Variants in CPA6 observed in about 807,000 individuals in gnomAD.
The protein encoded by CPA6 is carboxypeptidase B.
A neutral mutation model predicts 63.3 loss-of-function variants in CPA6; 58 were observed. The ratio of observed to expected loss-of-function variants is 0.92; its 90% CI spans 0.74 to 1.14. The LOEUF is 1.14. CPA6 is among the 50% of genes most tolerant of loss of function. CPA6 has a pLI of 0.00. For missense variants in CPA6, 565 were observed against 526.6 expected (o/e 1.07, Z -0.71); for synonymous variants, 185 against 179.0 (o/e 1.03, Z -0.27).
At chr8:67,658,931 T>C (rs962262450) in intron 1 of CPA6, among the ~76,000 whole-genome samples, 6 of 152,192 alleles carry the variant, frequency 3.9e-5, no homozygotes, top group Admixed American at 2.0e-4. Flanking sequence ...AGCAGCTTCC[T>C]ACCTGGTCTC....
chr8:67,605,886 A>G (rs1814624013), intron 2 of CPA6, among the ~76,000 whole-genome samples: 1 of 152,126 alleles, frequency 6.6e-6, no homozygotes, highest in Non-Finnish European at 1.5e-5. Flanking sequence ...AGTCATGCAC[A>G]GCCAATGGAT....
At chr8:67,640,524 G>C (rs77969117) in intron 1 of CPA6, among the ~76,000 whole-genome samples, 3,173 of 151,108 alleles carry the variant, frequency 0.021, 127 homozygotes, top group South Asian at 0.041. Context: ...GACAGCAGGA[G>C]CAGGCCCCCA....
chr8:67,481,239 A>G lies in CPA6; in HGVS notation c.838+2529T>C, dbSNP rs1377218128. On this transcript the variant is annotated intron_variant, in intron 8 of 10. Transcript: ENST00000297770. The stretch of plus-strand genomic sequence containing the variant: ...AATTTGGAAAATCAGTGCTTACAGC[A>G]TATTTTAAAAAGAGTGCACAGAGGA... Among the ~76,000 whole-genome samples the G allele has an allele frequency of 9.8e-5, 15 of 152,370 alleles. No individual in the cohort carries two copies. In the East Asian group the frequency reaches 2.7e-3, roughly 27 times the overall value.
intron 1 of CPA6, among the ~76,000 whole-genome samples, chr8:67,712,054 C>T (rs1817275056): frequency 6.6e-6 from 1 of 152,152 alleles, no homozygotes; most frequent in Admixed American, 6.5e-5. Context: ...TGGCCTAAGT[C>T]TGCAGTGACC....
At position 67,518,026 on chromosome 8, in the gene CPA6, T is replaced by C. The variant is rs983046839; in HGVS notation, c.214A>G (p.Ser72Gly). The C allele has an allele frequency of 6.2e-7, 1 of 1,602,972 alleles. No homozygotes were observed. Among genetic ancestry groups the C allele is most frequent in the African/African-American group, 1.3e-5 (1 of 74,480 alleles). ...QLKVDLWQPS[S>G]ISYVSEGTVT... ...GTTCCCTCTGATACATAGGAGATAC[T>C]GCTGGGCTGCCACAGGTCCACCTGT... Residue 72 changes from serine to glycine, a missense_variant, in exon 3 of 11, where the codon AGT becomes GGT. By Grantham distance (56) the Ser-to-Gly change is moderately conservative. Transcript: ENST00000297770.
intron 1 of CPA6, among the ~76,000 whole-genome samples, chr8:67,693,808 C>T (rs542399749): frequency 5.9e-5 from 9 of 152,286 alleles, no homozygotes; most frequent in South Asian, 2.1e-4. Context: ...GCAGCCTGAA[C>T]GGACTCAGAT....
chr8:67,714,726 G>A (rs891074036), intron 1 of CPA6, among the ~76,000 whole-genome samples: 12 of 152,112 alleles, frequency 7.9e-5, no homozygotes, highest in Non-Finnish European at 1.6e-4. Flanking sequence ...TCTCTCAGTT[G>A]TTTTATTGGC....
chr8:67,697,371 CAGAT>C (rs1816930631), intron 1 of CPA6, among the ~76,000 whole-genome samples: 1 of 152,156 alleles, frequency 6.6e-6, no homozygotes, highest in Non-Finnish European at 1.5e-5. Flanking sequence ...AAAAAGAAGG[CAGAT>C]AGAGGTTGAA....
At chr8:67,723,697 G>A (rs923068654) in intron 1 of CPA6, among the ~76,000 whole-genome samples, 41 of 152,200 alleles carry the variant, frequency 2.7e-4, no homozygotes, top group Admixed American at 2.6e-3. Context: ...ATTCTCTTCT[G>A]TAAATGGCCC....
At chr8:67,424,274 C>A (rs1267068049) in intron 10 of CPA6, among the ~76,000 whole-genome samples, 1 of 152,096 alleles carries the variant, frequency 6.6e-6, no homozygotes, top group Non-Finnish European at 1.5e-5. Context: ...GAATGTAATG[C>A]ATTTGAATCA....
chr8:67,543,791 A>T (rs1019743876), intron 2 of CPA6, among the ~76,000 whole-genome samples: 5 of 150,818 alleles, frequency 3.3e-5, no homozygotes, highest in African/African-American at 1.2e-4. Context: ...TATTATTATT[A>T]TTATTTTTAA....
At chr8:67,644,097 A>G (rs1815657090) in intron 1 of CPA6, among the ~76,000 whole-genome samples, 2 of 151,866 alleles carry the variant, frequency 1.3e-5, no homozygotes, top group Non-Finnish European at 2.9e-5. Flanking sequence ...TTGCCATTCT[A>G]AACTCATTTC....
At chr8:67,424,257 G>A (rs1256450501) in intron 10 of CPA6, among the ~76,000 whole-genome samples, 2 of 152,052 alleles carry the variant, frequency 1.3e-5, no homozygotes, top group African/African-American at 2.4e-5. Flanking sequence ...GAAATAAAGT[G>A]CGCAATGAAT....
chr8:67,535,571 A>T (rs938406297), intron 2 of CPA6, among the ~76,000 whole-genome samples: 2 of 151,984 alleles, frequency 1.3e-5, no homozygotes, highest in African/African-American at 2.4e-5. Flanking sequence ...TTTCTTGTAA[A>T]TTTTTTTAAG....
At chr8:67,616,959 G>T (rs1814970841) in intron 2 of CPA6, among the ~76,000 whole-genome samples, 1 of 152,156 alleles carries the variant, frequency 6.6e-6, no homozygotes, top group East Asian at 1.9e-4. Context: ...GACTGTGCTA[G>T]ACCCAACCTT....
chr8:67,600,263 A>G (rs1012983849), intron 2 of CPA6, among the ~76,000 whole-genome samples: 3 of 151,812 alleles, frequency 2.0e-5, no homozygotes, highest in Non-Finnish European at 2.9e-5. Flanking sequence ...GCCAGGCACA[A>G]AAAGACAAAT....
chr8:67,593,540 G>C lies in CPA6; in HGVS notation c.192+30636C>G, dbSNP rs1392406808. 5.3e-5 allele frequency among the ~76,000 whole-genome samples: 8 copies of C among 152,216 alleles called. No homozygotes were observed. The South Asian group carries it at 8.3e-4, about 16-fold the overall frequency. On this transcript the variant is annotated intron_variant, in intron 2 of 10. Coordinates refer to ENST00000297770, the MANE Select transcript of CPA6 (RefSeq NM_020361.5). ...AGTCTAAGTCTCTTTGTAGGTCACT[G>C]AGGACTTACTTTATGAATCTGGGTG...
intron 2 of CPA6, among the ~76,000 whole-genome samples, chr8:67,598,833 C>T (rs1302888610): frequency 3.3e-5 from 5 of 151,954 alleles, no homozygotes; most frequent in Non-Finnish European, 7.4e-5. Flanking sequence ...CCCTTCTATA[C>T]ATTTATCATG....
intron 2 of CPA6, among the ~76,000 whole-genome samples, chr8:67,528,526 T>A (rs953426995): frequency 6.6e-6 from 1 of 152,164 alleles, no homozygotes; most frequent in Non-Finnish European, 1.5e-5. Flanking sequence ...GACTGCTGAT[T>A]CCTGCCTTGT....
Sources: allele counts gnomAD v4.1 joint callset (sites outside exome capture counted in the v4.1 genomes callset), GRCh38; gene constraint gnomAD v4.1.1; transcripts MANE v1.5; gene names NCBI Gene and HGNC (gene_info 2026-07-23, HGNC 2026-07-21).